Variants in DNER observed in about 807,000 individuals in gnomAD.
DNER encodes delta and Notch-like epidermal growth factor-related receptor.
In DNER, 33 loss-of-function variants were observed where a neutral mutation model predicts 78.2. The ratio of observed to expected loss-of-function variants is 0.42; its 90% CI spans 0.32 to 0.56. The LOEUF is 0.56. Among genes scored for constraint, DNER ranks in the 20% least tolerant of loss-of-function variants. The probability of loss-of-function intolerance (pLI) is 0.11; values close to 1 mark genes in which losing one functional copy is unlikely to be tolerated. For synonymous variants in DNER, 417 were observed against 384.8 expected, an observed-to-expected ratio of 1.08 and a Z score of -0.98; for missense variants, 918 against 975.3, an observed-to-expected ratio of 0.94 and a Z score of 0.78.
intron 5 of DNER, among the ~76,000 whole-genome samples, chr2:229,544,166 G>A (rs1696572714): frequency 6.6e-6 from 1 of 152,164 alleles, no homozygotes; most frequent in South Asian, 2.1e-4. Context: ...AGAACACTGA[G>A]TGTCCTTCAC....
intron 7 of DNER, among the ~76,000 whole-genome samples, chr2:229,462,645 T>C (rs186421723): frequency 3.3e-5 from 5 of 152,258 alleles, no homozygotes; most frequent in Non-Finnish European, 7.3e-5. Context: ...CCTGTCCATC[T>C]TACCCCTACA....
chr2:229,684,957 T>C (rs1052028961), intron 1 of DNER, among the ~76,000 whole-genome samples: 33 of 152,338 alleles, frequency 2.2e-4, no homozygotes, highest in African/African-American at 7.9e-4. Context: ...CATGACCTAG[T>C]AAAAATAAAG....
At chr2:229,657,661 T>C (rs1239654557) in intron 1 of DNER, among the ~76,000 whole-genome samples, 1 of 152,244 alleles carries the variant, frequency 6.6e-6, no homozygotes, top group Non-Finnish European at 1.5e-5. Context: ...AAGAAGATGA[T>C]ACGTAAGGCC....
intron 6 of DNER, among the ~76,000 whole-genome samples, chr2:229,509,462 C>T (rs1453222477): frequency 2.0e-5 from 3 of 152,228 alleles, no homozygotes; most frequent in Non-Finnish European, 4.4e-5. Flanking sequence ...TGTGGGAATA[C>T]AATCATGAAC....
intron 10 of DNER, among the ~76,000 whole-genome samples, chr2:229,405,107 CA>C (rs1693353013): frequency 6.6e-6 from 1 of 152,040 alleles, no homozygotes; most frequent in Non-Finnish European, 1.5e-5. Context: ...AAAAATCAGA[CA>C]AAGGATATGA....
chr2:229,574,853 A>G lies in DNER; in HGVS notation c.847+11005T>C, dbSNP rs371452801. Among the ~76,000 whole-genome samples the G allele has an allele frequency of 3.9e-5, 6 of 152,342 alleles. No individual in the cohort carries two copies. In the South Asian group the frequency reaches 1.0e-3, roughly 26 times the overall value. ...GCTACAAAGGAGCAGAAATTTGGCT[A>G]TAAAAAAAGGCAATTTAAAAAATTA... On this transcript the variant is annotated intron_variant, in intron 4 of 12. Coordinates refer to ENST00000341772, the MANE Select transcript of DNER (RefSeq NM_139072.4).
intron 1 of DNER, among the ~76,000 whole-genome samples, chr2:229,702,810 G>C (rs1011877333): frequency 6.6e-6 from 1 of 151,752 alleles, no homozygotes; most frequent in African/African-American, 2.4e-5. Context: ...CCAGCTACTC[G>C]GGAGGCTGAG....
chr2:229,380,691 C>T (rs1692715737), intron 11 of DNER, among the ~76,000 whole-genome samples: 1 of 152,100 alleles, frequency 6.6e-6, no homozygotes, highest in Non-Finnish European at 1.5e-5. Context: ...CTTTGGGAGG[C>T]CAAGGCAGGT....
At chr2:229,634,319 T>G (rs2154215836) in intron 1 of DNER, among the ~76,000 whole-genome samples, 1 of 152,288 alleles carries the variant, frequency 6.6e-6, no homozygotes, top group South Asian at 2.1e-4. Context: ...CTCTGAAATA[T>G]TATCTCATTC....
intron 11 of DNER, among the ~76,000 whole-genome samples, chr2:229,377,176 A>G (rs1274870370): frequency 6.6e-6 from 1 of 152,242 alleles, no homozygotes; most frequent in African/African-American, 2.4e-5. Context: ...ATGCCTGACA[A>G]TAAAGAGCCA....
intron 4 of DNER, among the ~76,000 whole-genome samples, chr2:229,559,065 A>G (rs1052646283): frequency 6.6e-6 from 1 of 152,202 alleles, no homozygotes; most frequent in Non-Finnish European, 1.5e-5. Flanking sequence ...AGGGAAGGGA[A>G]GAAATTACAC....
intron 11 of DNER, among the ~76,000 whole-genome samples, chr2:229,369,866 T>C (rs1692441612): frequency 6.6e-6 from 1 of 152,202 alleles, no homozygotes; most frequent in African/African-American, 2.4e-5. Flanking sequence ...TGAACTCATA[T>C]GGAAAAAAGG....
At chr2:229,639,262 T>C (rs1256269684) in intron 1 of DNER, among the ~76,000 whole-genome samples, 1 of 152,222 alleles carries the variant, frequency 6.6e-6, no homozygotes, top group African/African-American at 2.4e-5. Context: ...TTTATTTGTT[T>C]GTTTGTTTTT....
intron 5 of DNER, among the ~76,000 whole-genome samples, chr2:229,524,528 G>A (rs376389114): frequency 6.6e-6 from 1 of 152,184 alleles, no homozygotes; most frequent in East Asian, 1.9e-4. Flanking sequence ...CTCCTTCCCA[G>A]TTCCTGCATG....
At chr2:229,536,109 G>C (rs887503076) in intron 5 of DNER, among the ~76,000 whole-genome samples, 1 of 152,320 alleles carries the variant, frequency 6.6e-6, no homozygotes, top group Admixed American at 6.5e-5. Context: ...CCATGGTGGG[G>C]AAATGCTAAA....
intron 4 of DNER, among the ~76,000 whole-genome samples, chr2:229,570,508 T>C (rs961973100): frequency 2.0e-5 from 3 of 151,836 alleles, no homozygotes; most frequent in Non-Finnish European, 4.4e-5. Flanking sequence ...GCGCCTATAA[T>C]CCCAGCTACG....
chr2:229,596,933 ACATGCACATG>A (rs1404984345), intron 1 of DNER, among the ~76,000 whole-genome samples: 5 of 152,242 alleles, frequency 3.3e-5, no homozygotes, highest in Admixed American at 2.0e-4. Context: ...ATGCACACGC[ACATGCACATG>A]CATGCACATG....
At chr2:229,706,815 A>G (rs929074281) in intron 1 of DNER, among the ~76,000 whole-genome samples, 2 of 152,062 alleles carry the variant, frequency 1.3e-5, no homozygotes, top group African/African-American at 4.8e-5. Context: ...GGCTCAAGCG[A>G]TCCTCCCACC....
intron 10 of DNER, among the ~76,000 whole-genome samples, chr2:229,390,734 A>C (rs981600793): frequency 1.1e-4 from 17 of 152,276 alleles, no homozygotes; most frequent in Non-Finnish European, 2.4e-4. Flanking sequence ...AATTAATGAA[A>C]TAAACCCTAT....
Sources: gnomAD v4.1 joint callset for allele counts (sites outside exome capture counted in the v4.1 genomes callset) on GRCh38, gnomAD v4.1.1 for gene constraint, MANE v1.5 for transcripts, NCBI Gene and HGNC (gene_info 2026-07-23, HGNC 2026-07-21) for gene names.